Variants in WDR72 observed in about 807,000 individuals in gnomAD.
WDR72 encodes the protein WD repeat-containing protein 72.
A neutral mutation model predicts 124.2 loss-of-function variants in WDR72; 120 were observed. The ratio of observed to expected loss-of-function variants is 0.97; its 90% CI spans 0.83 to 1.12. The LOEUF is 1.12. WDR72 is among the 50% of genes most tolerant of loss of function. WDR72 has a pLI of 0.00. For synonymous variants in WDR72, 452 were observed against 441.7 expected (o/e 1.02, Z -0.29); for missense variants, 1,387 against 1,278.8 (o/e 1.08, Z -1.29).
intron 14 of WDR72, among the ~76,000 whole-genome samples, chr15:53,639,582 TAAAA>T (rs1400393243): frequency 1.7e-3 from 255 of 145,718 alleles, no homozygotes; most frequent in South Asian, 3.8e-3. Context: ...TGTTATAAAT[TAAAA>T]ATTATATAAA....
chr15:53,735,293 A>G (rs1387604646), intron 1 of WDR72, among the ~76,000 whole-genome samples: 2 of 152,070 alleles, frequency 1.3e-5, no homozygotes, highest in African/African-American at 4.8e-5. Context: ...AGGGGGGAAA[A>G]AAAAGACCAT....
At chr15:53,734,307 CT>C (rs1380995622) in intron 1 of WDR72, among the ~76,000 whole-genome samples, 5 of 152,102 alleles carry the variant, frequency 3.3e-5, no homozygotes, top group Admixed American at 6.6e-5. Flanking sequence ...CTATAATACA[CT>C]TGCATTATTC....
chr15:53,652,851 C>T (rs1266864859), intron 14 of WDR72, among the ~76,000 whole-genome samples: 1 of 152,156 alleles, frequency 6.6e-6, no homozygotes, highest in Non-Finnish European at 1.5e-5. Context: ...CCACCTTACC[C>T]AAAGTGAATC....
At chr15:53,628,802 A>G (rs1388577651) in intron 14 of WDR72, among the ~76,000 whole-genome samples, 1 of 152,100 alleles carries the variant, frequency 6.6e-6, no homozygotes, top group Non-Finnish European at 1.5e-5. Flanking sequence ...TCATACCAAC[A>G]ATAGATTTTT....
intron 6 of WDR72, among the ~76,000 whole-genome samples, chr15:53,713,471 G>C (rs184333806): frequency 5.0e-4 from 10 of 20,020 alleles, no homozygotes; most frequent in Admixed American, 2.5e-3. Context: ...TTTTCCTTGA[G>C]ACACAGTCTT....
At chr15:53,738,873 C>G (rs2018431441) in intron 1 of WDR72, among the ~76,000 whole-genome samples, 1 of 152,194 alleles carries the variant, frequency 6.6e-6, no homozygotes, top group Admixed American at 6.5e-5. Context: ...TCCCAAAGTG[C>G]TGGGATTACA....
chr15:53,622,805 T>TAAAAC (rs1359339472), intron 14 of WDR72, among the ~76,000 whole-genome samples: 1 of 151,520 alleles, frequency 6.6e-6, no homozygotes, highest in African/African-American at 2.4e-5. Flanking sequence ...TAAACTAAAA[T>TAAAAC]AAAGGGCCCT....
intron 14 of WDR72, among the ~76,000 whole-genome samples, chr15:53,627,134 C>G (rs2014243096): frequency 6.6e-6 from 1 of 152,058 alleles, no homozygotes; most frequent in African/African-American, 2.4e-5. Context: ...GGCAAATAGC[C>G]CAACCAAGAT....
rs3206109 is a variant in WDR72 at position 53,516,387 on chromosome 15, C to T, written c.*1312G>A. ...GTTCTCTTTTCTAATTTCCCCATCTCCTGTCTACTGCATCCCAGCATAAGA... is the reference window on the plus strand; with the variant it reads ...GTTCTCTTTTCTAATTTCCCCATCTTCTGTCTACTGCATCCCAGCATAAGA... On this transcript the variant is annotated 3_prime_UTR_variant, in exon 20 of 20. Transcript: ENST00000360509. 3.9e-5 allele frequency: 6 copies of T among 152,224 alleles called. No homozygotes were observed. The East Asian group carries it at 7.7e-4, about 20-fold the overall frequency. The allele number at this position is 152,224 out of a possible 1,614,324, so 9.4% of individuals were successfully genotyped here. A position where few individuals can be genotyped will look rare whatever the true frequency, so the allele number is the denominator to read the frequency against.
chr15:53,606,206 C>T (rs576343282), intron 17 of WDR72, among the ~76,000 whole-genome samples: 1 of 152,274 alleles, frequency 6.6e-6, no homozygotes, highest in African/African-American at 2.4e-5. Flanking sequence ...CAAAGATCTT[C>T]AAGTGAGAGC....
intron 13 of WDR72, among the ~76,000 whole-genome samples, chr15:53,691,549 T>C (rs976606242): frequency 6.6e-6 from 1 of 152,032 alleles, no homozygotes; most frequent in Non-Finnish European, 1.5e-5. Context: ...CATCTATTTT[T>C]TTCTTTCGTT....
intron 9 of WDR72, among the ~76,000 whole-genome samples, chr15:53,710,467 T>C (rs1209416165): frequency 6.6e-6 from 1 of 152,190 alleles, no homozygotes; most frequent in Non-Finnish European, 1.5e-5. Flanking sequence ...ATTACTACAC[T>C]ACTCTTGAAA....
chr15:53,600,397 C>A (rs1319989779), intron 17 of WDR72, among the ~76,000 whole-genome samples: 1 of 152,020 alleles, frequency 6.6e-6, no homozygotes, highest in Non-Finnish European at 1.5e-5. Context: ...GCTGTCTTCC[C>A]AATGCATATA....
chr15:53,758,786 T>TG (rs2018985768), intron 1 of WDR72, among the ~76,000 whole-genome samples: 1 of 11,544 alleles, frequency 8.7e-5, no homozygotes, highest in South Asian at 4.9e-3. Flanking sequence ...GGGGGGGCGG[T>TG]GCGGGCGGGG....
chr15:53,706,373 T>TATATATATATATATATATAC lies in WDR72; in HGVS notation c.955-300_955-299insGTATATATATATATATATAT, dbSNP rs2017374482. Among the ~76,000 whole-genome samples, 24 of 67,338 alleles carry TATATATATATATATATATAC rather than the reference T, an allele frequency of 3.6e-4. 1 individual carries two copies. Among genetic ancestry groups the TATATATATATATATATATAC allele is most frequent in the African/African-American group, 1.3e-3 (22 of 16,596 alleles). The allele number at this position is 67,338 out of a possible 152,430, so 44.2% of individuals were successfully genotyped here. Reference sequence around the variant, plus strand: ...GTGTATATATATATATATATATATATATATATATATATATATATATATGGC... The same window carrying TATATATATATATATATATAC: ...GTGTATATATATATATATATATATATATATATATATATATATATACATATATATATATATATATATATGGC... On this transcript the variant is annotated intron_variant, in intron 9 of 19. Transcript: ENST00000360509.
chr15:53,721,008 AAGCCT>A (rs1200861369), intron 3 of WDR72, among the ~76,000 whole-genome samples: 2 of 152,200 alleles, frequency 1.3e-5, no homozygotes, highest in East Asian at 3.9e-4. Flanking sequence ...ATAATGGGGC[AAGCCT>A]AGTAGGAGTA....
At chr15:53,610,450 C>T (rs2013490188) in intron 16 of WDR72, among the ~76,000 whole-genome samples, 1 of 151,992 alleles carries the variant, frequency 6.6e-6, no homozygotes, top group East Asian at 1.9e-4. Flanking sequence ...AAAGTTGTTA[C>T]TATAATTGTC....
chr15:53,525,156 T>G (rs74017405), intron 18 of WDR72, among the ~76,000 whole-genome samples: 5,358 of 152,152 alleles, frequency 0.035, 260 homozygotes, highest in African/African-American at 0.11. Context: ...TTACAGATTA[T>G]TTTTGAATCC....
intron 14 of WDR72, among the ~76,000 whole-genome samples, chr15:53,637,213 T>C (rs1341618759): frequency 6.6e-6 from 1 of 152,248 alleles, no homozygotes; most frequent in African/African-American, 2.4e-5. Flanking sequence ...ATTAGCTTTA[T>C]ACTGCACAAA....
Sources: gnomAD v4.1 joint callset for allele counts (sites outside exome capture counted in the v4.1 genomes callset) on GRCh38, gnomAD v4.1.1 for gene constraint, MANE v1.5 for transcripts, NCBI Gene and HGNC (gene_info 2026-07-23, HGNC 2026-07-21) for gene names.